Variants in CD163L1 observed in about 807,000 individuals in gnomAD.
CD163L1 encodes the protein CD163 molecule like 1, also known as scavenger receptor cysteine-rich type 1 protein M160.
In CD163L1, 124 loss-of-function variants were observed where a neutral mutation model predicts 165.4. That is an observed-to-expected ratio of 0.75 (90% CI 0.65 to 0.87). CD163L1 has a LOEUF of 0.87. Ranked by LOEUF, CD163L1 falls within the 40% of genes least tolerant of loss-of-function variation. CD163L1 has a pLI of 0.00. For synonymous variants in CD163L1, 585 were observed against 662.2 expected, an observed-to-expected ratio of 0.88 and a Z score of 1.79; for missense variants, 1,525 against 1,799.9, an observed-to-expected ratio of 0.85 and a Z score of 2.76.
At chr12:7,440,103 T>G (rs1948802120) in intron 2 of CD163L1, 74 of 809,450 alleles carry the variant, frequency 9.1e-5, no homozygotes, top group Middle Eastern at 3.6e-4. Flanking sequence ...AGCCGACCAA[T>G]GGCGGGCTTG....
Position 7,433,564 on chromosome 12 carries a change from C to A in CD163L1, c.255G>T (p.Val85=), listed in dbSNP as rs1168518083. The A allele has an allele frequency of 1.9e-6, 3 of 1,614,040 alleles. No individual in the cohort carries two copies. The highest frequency in any genetic ancestry group is 2.5e-6 in the Non-Finnish European group (3 of 1,180,032). ...AAAATGGACATCCAAGCTGTTTGCA[C>A]ACGACAGTTGAGGCAGTAGTGTTCC... The part of the protein sequence containing the change: ...DGWNTTASTV[V]CKQLGCPFSF... The change falls in exon 3 of 20, where the codon GTG becomes GTT. Residue 85 remains valine, a synonymous_variant. Transcript: ENST00000313599.
At chr12:7,421,518 T>C (rs1306377163) in intron 4 of CD163L1, among the ~76,000 whole-genome samples, 3 of 132,608 alleles carry the variant, frequency 2.3e-5, no homozygotes, top group African/African-American at 6.3e-5. Flanking sequence ...CATATACATA[T>C]ATGTACATAT....
At chr12:7,332,243 A>G in the CD163L1 span, among the ~76,000 whole-genome samples, 1 of 152,208 alleles carries the variant, frequency 6.6e-6, no homozygotes, top group Non-Finnish European at 1.5e-5. Flanking sequence ...AAAAAGAATA[A>G]AAAGAAATGA....
chr12:7,375,707 G>C lies in CD163L1; in HGVS notation c.2679C>G (p.Val893=). 6.2e-7 allele frequency: 1 copy of C among 1,614,050 alleles called. No homozygotes were observed. Among genetic ancestry groups the C allele is most frequent in the South Asian group, 1.1e-5 (1 of 91,062 alleles). ...TCIHSREVGV[V]CSRYTDVRLV... ...ATTATTTAAAAATCTCACGGGAACA[G>C]ACAACTCCAACTTCTCTGCTGTGGA... The change falls in exon 10 of 20, where the codon GTC becomes GTG. Residue 893 remains valine (V), a synonymous_variant. Transcript: ENST00000313599.
intron 8 of CD163L1, among the ~76,000 whole-genome samples, chr12:7,379,786 A>T (rs2136444264): frequency 6.6e-6 from 1 of 152,274 alleles, no homozygotes; most frequent in East Asian, 1.9e-4. Flanking sequence ...AGTGATGCCA[A>T]ATGAAGTAAT....
chr12:7,332,536 A>G, the CD163L1 span, among the ~76,000 whole-genome samples: 1 of 152,352 alleles, frequency 6.6e-6, no homozygotes, highest in South Asian at 2.1e-4. Flanking sequence ...CCAGGGAGAA[A>G]GGTCAGGTTA....
chr12:7,442,298 C>T (rs1200375594), intron 1 of CD163L1, among the ~76,000 whole-genome samples: 1 of 152,040 alleles, frequency 6.6e-6, no homozygotes, highest in Non-Finnish European at 1.5e-5. Context: ...AAACAAAAAC[C>T]CTAAGAGGAC....
rs753447811 is a variant in CD163L1, at chr12:7,398,204, C to T, written c.1729+60G>A. On this transcript the variant is annotated intron_variant, in intron 7 of 19. Coordinates refer to ENST00000313599, the MANE Select transcript of CD163L1 (RefSeq NM_174941.6). This position sits in a 1 kb window ranked among gnomAD's most constrained non-coding sequence, Gnocchi z 4.5. ...TAAGCCAGTTTATAGACCCAGAAGC[C>T]CTTCCTATGAGGAATACTATTTCTC... The T allele has an allele frequency of 1.4e-4, 207 of 1,488,774 alleles. No individual in the cohort carries two copies. The highest frequency in any genetic ancestry group is 1.8e-4 in the Non-Finnish European group (197 of 1,092,258). The allele number at this position is 1,488,774 out of a possible 1,614,324, so 92.2% of individuals were successfully genotyped here.
At chr12:7,394,124 AT>A (rs1947721808) in intron 8 of CD163L1, among the ~76,000 whole-genome samples, 1 of 120,990 alleles carries the variant, frequency 8.3e-6, no homozygotes, top group Non-Finnish European at 1.6e-5. Context: ...CAAAAAAAAA[AT>A]CACATAGCCA....
intron 8 of CD163L1, among the ~76,000 whole-genome samples, chr12:7,379,867 G>GTTT (rs199865477): frequency 1.3e-4 from 19 of 144,506 alleles, no homozygotes; most frequent in East Asian, 6.0e-4. Flanking sequence ...GAGTAGGTAA[G>GTTT]TTTTTTTTTT....
rs528916469 is a variant in CD163L1 at position 7,438,711 on chromosome 12, C to T, written c.124+2443G>A. The T allele has an allele frequency of 2.5e-3, 2,180 of 862,494 alleles. 7 individuals carry two copies. Among genetic ancestry groups the T allele is most frequent in the Admixed American group, 2.1e-3 (67 of 31,852 alleles). The allele number at this position is 862,494 out of a possible 1,614,324, so 53.4% of individuals were successfully genotyped here. A position where few individuals can be genotyped will look rare whatever the true frequency, so the allele number is the denominator to read the frequency against. On this transcript the variant is annotated intron_variant, in intron 2 of 19. Transcript: ENST00000313599. ...ACTTTCTCATAGCTTGACTGTTTCC[C>T]TTTCCTTGCTTGTGAAATGTCTTGG...
Position 7,370,290 on chromosome 12 carries a change from G to T in CD163L1, c.3731-625C>A, listed in dbSNP as rs746314032. Reference sequence around the variant, plus strand: ...TCCTGAAATACTGAGTTTCACTGCAGATAATTATAACCGGGGTCATTTTAA... The same window carrying T: ...TCCTGAAATACTGAGTTTCACTGCATATAATTATAACCGGGGTCATTTTAA... On this transcript the variant is annotated intron_variant, in intron 14 of 19. Coordinates refer to ENST00000313599, the MANE Select transcript of CD163L1 (RefSeq NM_174941.6). Among the ~76,000 whole-genome samples, 20 of 152,324 alleles carry T rather than the reference G, an allele frequency of 1.3e-4. No individual in the cohort carries two copies. In the South Asian group the frequency reaches 3.3e-3, roughly 25 times the overall value.
At position 7,369,056 on chromosome 12, in the gene CD163L1, T is replaced by C. The variant is rs1179720060; in HGVS notation, c.4040-91A>G. 7.4e-7 allele frequency: 1 copy of C among 1,356,976 alleles called. No homozygotes were observed. The allele number at this position is 1,356,976 out of a possible 1,614,324, so 84.1% of individuals were successfully genotyped here. A position where few individuals can be genotyped will look rare whatever the true frequency, so the allele number is the denominator to read the frequency against. On this transcript the variant is annotated intron_variant, in intron 15 of 19. Coordinates refer to ENST00000313599, the MANE Select transcript of CD163L1 (RefSeq NM_174941.6). This position sits in a 1 kb window ranked among gnomAD's most constrained non-coding sequence, Gnocchi z 4.9. ...TCTCCTGCGATTATCGGATGTCATT[T>C]AAATATCCTTTTAACATCTCCTGTG...
chr12:7,387,208 G>A (rs1353269885), intron 8 of CD163L1, among the ~76,000 whole-genome samples: 4 of 151,806 alleles, frequency 2.6e-5, no homozygotes, highest in Non-Finnish European at 4.4e-5. Flanking sequence ...CACCAAGAAG[G>A]CAATCTCATT....
intron 8 of CD163L1, among the ~76,000 whole-genome samples, chr12:7,380,724 A>G (rs1024673263): frequency 6.6e-6 from 1 of 152,126 alleles, no homozygotes; most frequent in Admixed American, 6.5e-5. Flanking sequence ...ACAAATCAAA[A>G]CTAAAGAACT....
At chr12:7,440,077 T>C (rs979268292) in intron 2 of CD163L1, 1 of 1,023,264 alleles carries the variant, frequency 9.8e-7, no homozygotes, top group Non-Finnish European at 1.5e-6. Flanking sequence ...CTACTCCACA[T>C]CAGCGGCGTA....
intron 8 of CD163L1, among the ~76,000 whole-genome samples, chr12:7,381,131 A>G (rs754994365): frequency 5.3e-5 from 8 of 152,292 alleles, no homozygotes; most frequent in Admixed American, 2.0e-4. Flanking sequence ...ATGTGATATC[A>G]TACTATTTTT....
the CD163L1 span, among the ~76,000 whole-genome samples, chr12:7,332,270 A>G: frequency 6.6e-6 from 1 of 152,200 alleles, no homozygotes; most frequent in Admixed American, 6.5e-5. Context: ...CCTCCAAGAA[A>G]TATGGGACTA....
At position 7,421,440 on chromosome 12, in the gene CD163L1, C is replaced by CATATACATATATGTACATATATAT. The variant is rs1948391795; in HGVS notation, c.766+10975_766+10976insATATATATGTACATATATGTATAT. Among the ~76,000 whole-genome samples the CATATACATATATGTACATATATAT allele has an allele frequency of 2.3e-5, 2 of 88,162 alleles. 1 individual carries two copies. Among genetic ancestry groups the CATATACATATATGTACATATATAT allele is most frequent in the African/African-American group, 1.2e-4 (2 of 16,560 alleles). 57.8% of individuals were successfully genotyped at this position (88,162 alleles called of 152,430 possible). On this transcript the variant is annotated intron_variant, in intron 4 of 19. Coordinates refer to ENST00000313599, the MANE Select transcript of CD163L1 (RefSeq NM_174941.6). ...ATATATACATATATGTACATATATA[C>CATATACATATATGTACATATATAT]ATATACATATATGTACATATATACA...
Sources: allele counts gnomAD v4.1 joint callset (sites outside exome capture counted in the v4.1 genomes callset), GRCh38; gene constraint gnomAD v4.1.1; non-coding constraint Gnocchi (gnomAD v3.1); transcripts MANE v1.5; gene names NCBI Gene and HGNC (gene_info 2026-07-23, HGNC 2026-07-21).